Variants in BLTP3A observed in about 807,000 individuals in gnomAD.
BLTP3A encodes the protein ICBP90 binding protein 1.
the BLTP3A span, among the ~76,000 whole-genome samples, chr6:34,797,630 A>G: frequency 2.6e-5 from 4 of 152,184 alleles, no homozygotes; most frequent in African/African-American, 4.8e-5. Flanking sequence ...TAATTATTTC[A>G]TGCATTTTCT....
At chr6:34,816,283 A>C in the BLTP3A span, among the ~76,000 whole-genome samples, 20 of 152,150 alleles carry the variant, frequency 1.3e-4, no homozygotes, top group African/African-American at 2.2e-4. Flanking sequence ...AGAAGTCATC[A>C]GTTTGAAAAC....
At chr6:34,808,346 C>CATAAAAA in the BLTP3A span, among the ~76,000 whole-genome samples, 1 of 26,734 alleles carries the variant, frequency 3.7e-5, no homozygotes, top group Non-Finnish European at 6.6e-5. Flanking sequence ...AACTCCGTCT[C>CATAAAAA]AAAAAAAAAA....
the BLTP3A span, among the ~76,000 whole-genome samples, chr6:34,825,432 C>G: frequency 1.3e-5 from 2 of 152,252 alleles, no homozygotes; most frequent in South Asian, 2.1e-4. Context: ...CTCCGCCTCC[C>G]AGGTAGCTGG....
the BLTP3A span, chr6:34,875,306 G>C: frequency 6.6e-6 from 1 of 152,282 alleles, no homozygotes; most frequent in Non-Finnish European, 1.5e-5. Flanking sequence ...TGGATCACTG[G>C]TCAAGTATGG....
chr6:34,876,295 T>C, the BLTP3A span: 1 of 152,326 alleles, frequency 6.6e-6, no homozygotes, highest in Non-Finnish European at 1.5e-5. Flanking sequence ...GTGCTTTTTA[T>C]GGCTCTGAAA....
At chr6:34,835,222 T>C in the BLTP3A span, 171,114 of 1,516,334 alleles carry the variant, frequency 0.11, 10,750 homozygotes, top group African/African-American at 0.25. Context: ...CTGAAACTGA[T>C]TGGGCAACAG....
chr6:34,820,505 T>A, the BLTP3A span, among the ~76,000 whole-genome samples: 1 of 152,066 alleles, frequency 6.6e-6, no homozygotes, highest in East Asian at 1.9e-4. Context: ...AGTTGTCAGA[T>A]GCCCTTTTGC....
chr6:34,806,879 C>T, the BLTP3A span, among the ~76,000 whole-genome samples: 19 of 152,240 alleles, frequency 1.2e-4, 1 homozygote, highest in South Asian at 3.7e-3. Flanking sequence ...AGGTTGGTTT[C>T]GAACTCCTGA....
At chr6:34,792,118 A>C in the BLTP3A span, 2 of 629,408 alleles carry the variant, frequency 3.2e-6, no homozygotes, top group Non-Finnish European at 4.3e-6. Context: ...AGGGGCGAGA[A>C]AGCGCCATGG....
the BLTP3A span, chr6:34,836,021 A>T: frequency 8.9e-7 from 1 of 1,120,132 alleles, no homozygotes; most frequent in Non-Finnish European, 1.3e-6. Context: ...GTGAGCTACT[A>T]GGCCAACAGT....
chr6:34,865,454 A>G, the BLTP3A span, among the ~76,000 whole-genome samples: 1 of 152,228 alleles, frequency 6.6e-6, no homozygotes, highest in Non-Finnish European at 1.5e-5. Context: ...TGATGAACAC[A>G]TAAGTTGATC....
chr6:34,821,792 T>C, the BLTP3A span: 4 of 1,614,074 alleles, frequency 2.5e-6, no homozygotes, highest in Non-Finnish European at 3.4e-6. Flanking sequence ...CACTCGGGTC[T>C]ACTGCAACAG....
the BLTP3A span, chr6:34,859,602 C>A: frequency 1.2e-6 from 2 of 1,607,758 alleles, no homozygotes; most frequent in Admixed American, 1.7e-5. Context: ...TTCACTCATC[C>A]CATCTCCTTC....
the BLTP3A span, chr6:34,876,959 A>T: frequency 2.6e-5 from 4 of 152,468 alleles, no homozygotes; most frequent in African/African-American, 9.7e-5. Flanking sequence ...CTCTAATTGC[A>T]ATAGATATAG....
At chr6:34,794,092 G>A in the BLTP3A span, among the ~76,000 whole-genome samples, 4 of 151,854 alleles carry the variant, frequency 2.6e-5, no homozygotes, top group Non-Finnish European at 4.4e-5. Context: ...CTCGGGAGGC[G>A]GAGGTTGCAG....
At chr6:34,876,759 CGGAATAGGA>C in the BLTP3A span, 1 of 152,216 alleles carries the variant, frequency 6.6e-6, no homozygotes, top group Admixed American at 6.5e-5. Flanking sequence ...TACCTTCTGT[CGGAATAGGA>C]TTATTCCCAT....
At chr6:34,815,561 T>C in the BLTP3A span, among the ~76,000 whole-genome samples, 1 of 152,128 alleles carries the variant, frequency 6.6e-6, no homozygotes. Flanking sequence ...AATTATGTTT[T>C]AAAAATGAAA....
chr6:34,872,378 C>T, the BLTP3A span: 3 of 1,613,198 alleles, frequency 1.9e-6, no homozygotes, highest in East Asian at 4.5e-5. Flanking sequence ...CCAATGCCAA[C>T]CAGGATAAAG....
the BLTP3A span, among the ~76,000 whole-genome samples, chr6:34,863,791 G>A: frequency 6.6e-6 from 1 of 152,104 alleles, no homozygotes; most frequent in African/African-American, 2.4e-5. Flanking sequence ...TGCAGTTAGC[G>A]ATGTTGGAAT....
Sources: gnomAD v4.1 joint callset for allele counts (sites outside exome capture counted in the v4.1 genomes callset) on GRCh38, gnomAD v4.1.1 for gene constraint, MANE v1.5 for transcripts, NCBI Gene and HGNC (gene_info 2026-07-23, HGNC 2026-07-21) for gene names.